ZNF554: variants seen among roughly 807,000 people sequenced by gnomAD.
ZNF554 encodes zinc finger protein 554.
Under a neutral mutation model 21.2 loss-of-function variants are expected in ZNF554, and 15 were observed. That is an observed-to-expected ratio of 0.71 (90% CI 0.47 to 1.09). The LOEUF (loss-of-function observed/expected upper bound fraction) is 1.09. Among genes scored for constraint, ZNF554 ranks in the 50% least tolerant of loss-of-function variants. The pLI, the probability that ZNF554 is intolerant of heterozygous loss-of-function variation, is 0.00. For missense variants in ZNF554, 691 were observed against 662.7 expected (o/e 1.04, Z -0.47); for synonymous variants, 258 against 251.4 (o/e 1.03, Z -0.25).
chr19:2,833,498 C>G (rs1434542230), intron 4 of ZNF554, among the ~76,000 whole-genome samples, 183 bp from the exon 5 acceptor site: 1 of 152,212 alleles, frequency 6.6e-6, no homozygotes, highest in African/African-American at 2.4e-5. Flanking sequence ...TGCTGCATCT[C>G]ATCCTCAGTG....
rs1292828694 is a variant in ZNF554 at position 2,834,589 on chromosome 19, A to G, written c.1354A>G (p.Asn452Asp). ...GGCCTTCAGTGACCGTTCCTCTCTC[A>G]ACCAGCACGAGCGAACTCACACGGG... ...GKAFSDRSSLNQHERTHTGEN... is the reference protein window; with the variant it reads ...GKAFSDRSSLDQHERTHTGEN... The change falls in exon 5 of 5, where the codon AAC becomes GAC. Residue 452 changes from asparagine (N) to aspartate (D), a missense_variant. Physicochemically the swap from Asn to Asp is conservative, Grantham distance 23. Coordinates refer to ENST00000317243, the MANE Select transcript of ZNF554 (RefSeq NM_001102651.2). 1 of 1,614,152 alleles carries G rather than the reference A, an allele frequency of 6.2e-7. No homozygotes were observed. The highest frequency in any genetic ancestry group is 8.5e-7 in the Non-Finnish European group (1 of 1,180,026).
In ZNF554 at chr19:2,836,458, ATCCAGAGTATATGCTAAGACG is replaced by A. The variant is rs1188507166; in HGVS notation, c.*1607_*1627del. Among the ~76,000 whole-genome samples the A allele has an allele frequency of 6.6e-6, 1 of 152,226 alleles. No individual in the cohort carries two copies. The highest frequency in any genetic ancestry group is 2.4e-5 in the African/African-American group (1 of 41,454). ...GTTTGTCTTCTGCAGTACTGTGCTG[ATCCAGAGTATATGCTAAGACG>A]GAAAGCGCTTTGGAGGTAAAGTTTA... On this transcript the variant is annotated 3_prime_UTR_variant, in exon 5 of 5. Coordinates refer to ENST00000317243, the MANE Select transcript of ZNF554 (RefSeq NM_001102651.2).
chr19:2,824,021 G>A lies in ZNF554; in HGVS notation c.126+909G>A, dbSNP rs1004577066. On this transcript the variant is annotated intron_variant, in intron 2 of 4. Transcript: ENST00000317243. ...TAATCTGCCTCCTGCTGCCATTCAC[G>A]GCCCTAGGACTTGGCCCAAACCCCA... Among the ~76,000 whole-genome samples, 5 of 152,118 alleles carry A rather than the reference G, an allele frequency of 3.3e-5. No homozygotes were observed. In the East Asian group the frequency reaches 5.8e-4, roughly 18 times the overall value.
intron 4 of ZNF554, among the ~76,000 whole-genome samples, chr19:2,833,433 A>G (rs885704): frequency 0.26 from 40,266 of 151,994 alleles, 6,511 homozygotes; most frequent in East Asian, 0.67. Context: ...CTACAGAGTA[A>G]TTTCTTTCTG....
At chr19:2,822,072 A>C (rs2087271591) in intron 1 of ZNF554, among the ~76,000 whole-genome samples, 1 of 150,684 alleles carries the variant, frequency 6.6e-6, no homozygotes, top group South Asian at 2.1e-4. Flanking sequence ...TCTTTTTGAG[A>C]TAGAGTCTTG....
In ZNF554 at chr19:2,836,329, T is replaced by C. The variant is rs546761400; in HGVS notation, c.*1477T>C. Among the ~76,000 whole-genome samples, 1 of 151,352 alleles carries C rather than the reference T, an allele frequency of 6.6e-6. No homozygotes were observed. Among genetic ancestry groups the C allele is most frequent in the Non-Finnish European group, 1.5e-5 (1 of 67,828 alleles). The stretch of plus-strand genomic sequence containing the variant: ...GGTGTGAGCCACCCTGCTGGGATTA[T>C]GGGTGCGAGCCGCCGTGCTGGGATT... On this transcript the variant is annotated 3_prime_UTR_variant, in exon 5 of 5. Coordinates refer to ENST00000317243, the MANE Select transcript of ZNF554 (RefSeq NM_001102651.2).
At position 2,834,968 on chromosome 19, in the gene ZNF554, CCTT is replaced by C. The variant is rs201305142; in HGVS notation, c.*120_*122del. On this transcript the variant is annotated 3_prime_UTR_variant, in exon 5 of 5. Coordinates refer to ENST00000317243, the MANE Select transcript of ZNF554 (RefSeq NM_001102651.2). ...GAAGTGGGTTTATGTCACCTTCTCA[CCTT>C]CTTATAAGAAAGCTCTGAGAATGGG... 1,759 of 943,856 alleles carry C rather than the reference CCTT, an allele frequency of 1.9e-3. 26 individuals carry two copies. In the African/African-American group the frequency reaches 0.026, roughly 14 times the overall value. 58.5% of individuals were successfully genotyped at this position (943,856 alleles called of 1,614,324 possible).
intron 3 of ZNF554, 158 bp from the exon 4 acceptor site, chr19:2,832,145 C>A: frequency 3.5e-6 from 2 of 576,886 alleles, no homozygotes; most frequent in Non-Finnish European, 5.7e-6. Flanking sequence ...AGGCTGGTCT[C>A]AAACTCCTGA....
chr19:2,831,303 T>A (rs1367031723), intron 3 of ZNF554: 1 of 146,148 alleles, frequency 6.8e-6, no homozygotes, highest in South Asian at 2.1e-4. Flanking sequence ...AAATGTAAGA[T>A]CTGTAATTTT....
intron 2 of ZNF554, among the ~76,000 whole-genome samples, chr19:2,825,992 C>G (rs138369481): frequency 8.9e-4 from 136 of 152,102 alleles, no homozygotes; most frequent in African/African-American, 3.1e-3. Context: ...CCTCTGCCTC[C>G]CAGGTTCAAG....
chr19:2,820,684 C>CTTTTTTTTTTTTTTTTTTTT lies in ZNF554; in HGVS notation c.53+576_53+577insTTTTTTTTTTTTTTTTTTTT, dbSNP rs762586098. On this transcript the variant is annotated intron_variant, in intron 1 of 4. Transcript: ENST00000317243. ...TCCTGGTGATAAGACAGCAAGGGTC[C>CTTTTTTTTTTTTTTTTTTTT]TTTTTTTTTTTTTTTTGAGACGGAG... Among the ~76,000 whole-genome samples, 73 of 103,176 alleles carry CTTTTTTTTTTTTTTTTTTTT rather than the reference C, an allele frequency of 7.1e-4. 9 individuals are homozygous for CTTTTTTTTTTTTTTTTTTTT. Among genetic ancestry groups the CTTTTTTTTTTTTTTTTTTTT allele is most frequent in the African/African-American group, 1.4e-3 (37 of 26,150 alleles). 67.7% of individuals were successfully genotyped at this position (103,176 alleles called of 152,430 possible).
chr19:2,822,921 T>C, intron 1 of ZNF554, 119 bp from the exon 2 acceptor site: 11 of 934,140 alleles, frequency 1.2e-5, no homozygotes, highest in Non-Finnish European at 1.8e-5. Flanking sequence ...GGCTTCAGTT[T>C]ACCTCCCTCT....
chr19:2,828,198 T>C (rs118022283), intron 3 of ZNF554, among the ~76,000 whole-genome samples: 4,093 of 152,262 alleles, frequency 0.027, 163 homozygotes, highest in Admixed American at 0.12. Context: ...GGGGGATTCA[T>C]TGGTAAGTAA....
chr19:2,820,198 G>A, intron 1 of ZNF554, 74 bp downstream of exon 1: 1 of 1,186,230 alleles, frequency 8.4e-7, no homozygotes. Flanking sequence ...TGGGTCTGGC[G>A]GGGCCGGGTG....
chr19:2,826,587 C>T (rs1436723093), intron 2 of ZNF554, among the ~76,000 whole-genome samples: 1 of 152,076 alleles, frequency 6.6e-6, no homozygotes, highest in Non-Finnish European at 1.5e-5. Context: ...CCTAAACACT[C>T]ATCAGCCCCT....
chr19:2,829,507 C>G (rs1255690620), intron 3 of ZNF554, among the ~76,000 whole-genome samples: 2 of 150,860 alleles, frequency 1.3e-5, no homozygotes, highest in African/African-American at 4.9e-5. Context: ...CGTGGTGGCG[C>G]ATGCCTGTAA....
rs1228308988 is a variant in ZNF554, at chr19:2,833,830, C to T, written c.595C>T (p.Leu199Phe). The change falls in exon 5 of 5, where the codon CTT (leucine) becomes TTT (phenylalanine). Residue 199 changes from leucine to phenylalanine, a missense_variant. Leu to Phe is a conservative substitution (Grantham distance 22). Coordinates refer to ENST00000317243, the MANE Select transcript of ZNF554 (RefSeq NM_001102651.2). The part of the protein sequence containing the change: ...LEDSHEDPQG[L>F]LSQKASLHVV... ...GGACAGCCATGAAGACCCCCAGGGG[C>T]TTTTGAGCCAAAAGGCATCCCTTCA... is the stretch of plus-strand genomic sequence containing the variant. The T allele has an allele frequency of 6.2e-7, 1 of 1,612,726 alleles. No homozygotes were observed. Among genetic ancestry groups the T allele is most frequent in the Non-Finnish European group, 8.5e-7 (1 of 1,179,252 alleles).
At chr19:2,824,862 C>A (rs2087309186) in intron 2 of ZNF554, among the ~76,000 whole-genome samples, 1 of 152,162 alleles carries the variant, frequency 6.6e-6, no homozygotes, top group African/African-American at 2.4e-5. Flanking sequence ...TCCCTGTCCC[C>A]CTCCCCAGCC....
intron 3 of ZNF554, among the ~76,000 whole-genome samples, chr19:2,829,463 C>T (rs779368000): frequency 1.3e-5 from 2 of 152,024 alleles, no homozygotes; most frequent in Non-Finnish European, 2.9e-5. Context: ...CATGGAGAAA[C>T]CTTGTCTCTA....
Sources: gnomAD v4.1 joint callset for allele counts (sites outside exome capture counted in the v4.1 genomes callset) on GRCh38, gnomAD v4.1.1 for gene constraint, MANE v1.5 for transcripts, NCBI Gene and HGNC (gene_info 2026-07-23, HGNC 2026-07-21) for gene names.